The following PTPRR variants were observed in gnomAD, a reference collection of about 807,000 sequenced individuals.
The protein encoded by PTPRR is receptor-type tyrosine-protein phosphatase R.
Under a neutral mutation model 77.2 loss-of-function variants are expected in PTPRR, and 38 were observed. That is an observed-to-expected ratio of 0.49 (90% CI 0.38 to 0.65). PTPRR has a LOEUF of 0.65. Among genes scored for constraint, PTPRR ranks in the 30% least tolerant of loss-of-function variants. The pLI is 0.00. For synonymous variants in PTPRR, 299 were observed against 283.1 expected (o/e 1.06, Z -0.57); for missense variants, 744 against 799.2 (o/e 0.93, Z 0.83).
intron 12 of PTPRR, 92 bp downstream of exon 12, chr12:70,660,848 C>G: frequency 8.0e-7 from 1 of 1,256,352 alleles, no homozygotes. Flanking sequence ...CCAACAAAGT[C>G]ACATCCAGGA....
intron 2 of PTPRR, among the ~76,000 whole-genome samples, chr12:70,841,757 A>G (rs1367585168): frequency 6.6e-6 from 1 of 152,230 alleles, no homozygotes; most frequent in Non-Finnish European, 1.5e-5. Flanking sequence ...GATTTCTAAT[A>G]CAAAATGCAA....
chr12:70,886,244 A>T (rs987859221), intron 2 of PTPRR, among the ~76,000 whole-genome samples: 2 of 152,196 alleles, frequency 1.3e-5, no homozygotes, highest in African/African-American at 4.8e-5. Context: ...CTTCAGGACT[A>T]TTTTGCAAGG....
intron 5 of PTPRR, among the ~76,000 whole-genome samples, chr12:70,751,194 A>T (rs2136941970): frequency 6.6e-6 from 1 of 152,270 alleles, no homozygotes; most frequent in East Asian, 1.9e-4. Flanking sequence ...ACATTTCCAC[A>T]CAGTCAGGGA....
Position 70,666,020 on chromosome 12 carries a change from G to A in PTPRR, c.1498-3415C>T, listed in dbSNP as rs544553712. ...TAGCTACTTTTATTCCTGGTGCTCC[G>A]ATGGAATATTACTGACATAGGCTCA... On this transcript the variant is annotated intron_variant, in intron 10 of 13. Transcript: ENST00000283228. Among the ~76,000 whole-genome samples, 17 of 152,172 alleles carry A rather than the reference G, an allele frequency of 1.1e-4. No homozygotes were observed. In the East Asian group the frequency reaches 1.2e-3, roughly 10 times the overall value.
At chr12:70,655,686 G>C (rs557694919) in intron 13 of PTPRR, among the ~76,000 whole-genome samples, 112 of 152,282 alleles carry the variant, frequency 7.4e-4, no homozygotes, top group Non-Finnish European at 1.4e-3. Flanking sequence ...AAGGTGCCTA[G>C]AGCATTTAAA....
intron 6 of PTPRR, among the ~76,000 whole-genome samples, chr12:70,702,003 A>G (rs1178322511): frequency 6.6e-6 from 1 of 152,082 alleles, no homozygotes; most frequent in African/African-American, 2.4e-5. Flanking sequence ...ATAGATAAAA[A>G]TAAAAAAAGA....
At chr12:70,841,949 A>C (rs1196596519) in intron 2 of PTPRR, among the ~76,000 whole-genome samples, 1 of 152,164 alleles carries the variant, frequency 6.6e-6, no homozygotes, top group African/African-American at 2.4e-5. Context: ...TAGCATTGTC[A>C]ATTTCCTTTA....
intron 6 of PTPRR, among the ~76,000 whole-genome samples, chr12:70,728,594 C>G (rs1384882183): frequency 7.5e-6 from 1 of 133,564 alleles, no homozygotes; most frequent in Non-Finnish European, 1.5e-5. Context: ...TCCAAAGATT[C>G]AAAATCTGAA....
At chr12:70,791,492 AT>A (rs1424000482) in intron 2 of PTPRR, among the ~76,000 whole-genome samples, 2 of 151,732 alleles carry the variant, frequency 1.3e-5, no homozygotes, top group Non-Finnish European at 2.9e-5. Flanking sequence ...TTGCTTTATT[AT>A]TTTTTTCCTT....
chr12:70,780,123 A>G (rs1891173208), intron 2 of PTPRR, among the ~76,000 whole-genome samples: 1 of 151,842 alleles, frequency 6.6e-6, no homozygotes, highest in African/African-American at 2.4e-5. Context: ...TCCCGAGTAG[A>G]TGGGACTGCA....
intron 12 of PTPRR, among the ~76,000 whole-genome samples, chr12:70,658,401 T>G (rs1462540860): frequency 6.6e-6 from 1 of 152,210 alleles, no homozygotes. Context: ...TGAATGTGAG[T>G]GCAGAGGAAT....
chr12:70,896,965 G>A (rs1014624857), intron 1 of PTPRR, among the ~76,000 whole-genome samples: 32 of 151,862 alleles, frequency 2.1e-4, no homozygotes, highest in South Asian at 1.7e-3. Context: ...TGTTCCATTG[G>A]TCTATATCTC....
chr12:70,772,344 T>G (rs1890996558), intron 2 of PTPRR, among the ~76,000 whole-genome samples: 1 of 152,178 alleles, frequency 6.6e-6, no homozygotes, highest in South Asian at 2.1e-4. Flanking sequence ...GAGTAGGAAC[T>G]CTTTAGGGGA....
chr12:70,802,618 T>G lies in PTPRR; in HGVS notation c.358-37840A>C, dbSNP rs143953007. 2.3e-3 allele frequency among the ~76,000 whole-genome samples: 347 copies of G among 152,344 alleles called. 2 individuals carry two copies. The highest frequency in any genetic ancestry group is 0.01 in the Middle Eastern group (3 of 294). ...TTATATTGTCTTATCTCTCTAAATTTACAAATGCATTTAACGAAATTTAGA... is the reference window on the plus strand; with the variant it reads ...TTATATTGTCTTATCTCTCTAAATTGACAAATGCATTTAACGAAATTTAGA... On this transcript the variant is annotated intron_variant, in intron 2 of 13. Coordinates refer to ENST00000283228, the MANE Select transcript of PTPRR (RefSeq NM_002849.4).
chr12:70,694,227 A>C (rs1888151265), intron 8 of PTPRR, among the ~76,000 whole-genome samples: 1 of 152,198 alleles, frequency 6.6e-6, no homozygotes, highest in African/African-American at 2.4e-5. Flanking sequence ...TTAAGTAGGA[A>C]ACATTATTAG....
chr12:70,909,912 T>G (rs1345113414), intron 1 of PTPRR, among the ~76,000 whole-genome samples: 1 of 152,128 alleles, frequency 6.6e-6, no homozygotes, highest in African/African-American at 2.4e-5. Flanking sequence ...GAAAGCAGGA[T>G]TTAGTTTCTT....
chr12:70,811,199 G>T (rs528532583), intron 2 of PTPRR, among the ~76,000 whole-genome samples: 6 of 152,236 alleles, frequency 3.9e-5, no homozygotes, highest in African/African-American at 1.4e-4. Flanking sequence ...ACAAGGAAAG[G>T]TACTGTTCTG....
At chr12:70,687,761 T>C (rs1247274480) in intron 8 of PTPRR, among the ~76,000 whole-genome samples, 1 of 152,136 alleles carries the variant, frequency 6.6e-6, no homozygotes, top group Non-Finnish European at 1.5e-5. Context: ...AACAAGGAAT[T>C]GTGGTCCTAT....
At chr12:70,754,760 A>G (rs1282805144) in intron 4 of PTPRR, 38 of 1,540,526 alleles carry the variant, frequency 2.5e-5, no homozygotes, top group Non-Finnish European at 3.2e-5. Context: ...GTGGTGCATT[A>G]ATAAATACAG....
Sources: allele counts gnomAD v4.1 joint callset (sites outside exome capture counted in the v4.1 genomes callset), GRCh38; gene constraint gnomAD v4.1.1; transcripts MANE v1.5; gene names NCBI Gene and HGNC (gene_info 2026-07-23, HGNC 2026-07-21).